LPP: variants seen among roughly 807,000 people sequenced by gnomAD.
LPP encodes LIM domain containing preferred translocation partner in lipoma.
In LPP, 38 loss-of-function variants were observed where a neutral mutation model predicts 60.4. That is an observed-to-expected ratio of 0.63 (90% CI 0.49 to 0.83). The LOEUF is 0.83. LPP is among the 40% of genes least tolerant of loss of function. The probability of loss-of-function intolerance (pLI) is 0.00; values close to 1 mark genes in which losing one functional copy is unlikely to be tolerated. For missense variants in LPP, 902 were observed against 783.6 expected, an observed-to-expected ratio of 1.15 and a Z score of -1.80; for synonymous variants, 328 against 290.8, an observed-to-expected ratio of 1.13 and a Z score of -1.30.
chr3:188,172,067 AG>A (rs985695566), intron 1 of LPP, among the ~76,000 whole-genome samples: 5 of 152,202 alleles, frequency 3.3e-5, no homozygotes, highest in African/African-American at 1.2e-4. Context: ...AACCTCGGCG[AG>A]GTTTGGTTCT....
chr3:188,293,644 T>C lies in LPP; in HGVS notation c.-66-48019T>C, dbSNP rs374686131. On this transcript the variant is annotated intron_variant, in intron 2 of 11. Transcript: ENST00000617246. ...GTTATTTTATTTTTAAGAAGTAGAT[T>C]GGCTGAATGGAAAAGCAAAATGTGG... Among the ~76,000 whole-genome samples the C allele has an allele frequency of 1.3e-4, 20 of 152,308 alleles. 1 individual carries two copies. Among genetic ancestry groups the C allele is most frequent in the African/African-American group, 4.8e-4 (20 of 41,568 alleles).
At chr3:188,240,649 A>T (rs568924648) in intron 2 of LPP, among the ~76,000 whole-genome samples, 2 of 152,192 alleles carry the variant, frequency 1.3e-5, no homozygotes, top group Admixed American at 6.5e-5. Context: ...AAAAAGCGTA[A>T]TCATAACTAT....
chr3:188,753,757 G>A (rs1294749709), intron 8 of LPP, among the ~76,000 whole-genome samples: 1 of 151,740 alleles, frequency 6.6e-6, no homozygotes, highest in Non-Finnish European at 1.5e-5. Context: ...TTTTCTTGTT[G>A]CGAGTGTTTG....
chr3:188,390,642 A>G (rs2148676365), intron 3 of LPP, among the ~76,000 whole-genome samples: 1 of 151,516 alleles, frequency 6.6e-6, no homozygotes, highest in African/African-American at 2.4e-5. Flanking sequence ...TTCCGTCTAC[A>G]AAAACTCCTT....
intron 8 of LPP, among the ~76,000 whole-genome samples, chr3:188,722,220 C>T (rs1197486988): frequency 6.6e-6 from 1 of 152,084 alleles, no homozygotes; most frequent in Non-Finnish European, 1.5e-5. Context: ...TGAAGAATAC[C>T]ATGCACTAAG....
chr3:188,866,127 T>C (rs1261557478), intron 9 of LPP, 73 bp from the exon 10 acceptor site: 2 of 1,254,592 alleles, frequency 1.6e-6, no homozygotes, highest in Admixed American at 2.9e-5. Flanking sequence ...CAATCTGTTT[T>C]GTAAAGATGC....
In LPP at chr3:188,261,673, C is replaced by G. The variant is rs370704082; in HGVS notation, c.-67+36146C>G. Among the ~76,000 whole-genome samples, 65 of 151,556 alleles carry G rather than the reference C, an allele frequency of 4.3e-4. No individual in the cohort carries two copies. The South Asian group carries it at 0.013, about 31-fold the overall frequency. Reference sequence around the variant, plus strand: ...CTGTAATTCCAGCAGTTTGGGAGACCAAGGTAGGAGAATTGCTTGAGGTCA... The same window carrying G: ...CTGTAATTCCAGCAGTTTGGGAGACGAAGGTAGGAGAATTGCTTGAGGTCA... On this transcript the variant is annotated intron_variant, in intron 2 of 11. Coordinates refer to ENST00000617246, the MANE Select transcript of LPP (RefSeq NM_001375462.1).
intron 7 of LPP, among the ~76,000 whole-genome samples, chr3:188,706,769 A>G (rs1865558178): frequency 6.6e-6 from 1 of 152,208 alleles, no homozygotes; most frequent in Non-Finnish European, 1.5e-5. Flanking sequence ...TACTCTTGTA[A>G]ACATTCTGAA....
intron 4 of LPP, among the ~76,000 whole-genome samples, chr3:188,476,659 A>G (rs971327043): frequency 2.0e-5 from 3 of 152,172 alleles, no homozygotes; most frequent in Non-Finnish European, 2.9e-5. Context: ...TTAATTTGTT[A>G]GCAACTTGAG....
intron 7 of LPP, among the ~76,000 whole-genome samples, chr3:188,639,367 A>T (rs1234292069): frequency 2.0e-5 from 3 of 150,704 alleles, no homozygotes; most frequent in African/African-American, 7.3e-5. Context: ...AAATCAATTC[A>T]AGATGGATTA....
rs530754076 is a variant in LPP at position 188,819,778 on chromosome 3, A to C, written c.1411-46422A>C. On this transcript the variant is annotated intron_variant, in intron 9 of 11. Transcript: ENST00000617246. ...GGAATGTGAAGGAACTAAGACATAAAAGTAGAAAGACAGTTTAGGCCTGGT... is the reference window on the plus strand; with the variant it reads ...GGAATGTGAAGGAACTAAGACATAACAGTAGAAAGACAGTTTAGGCCTGGT... Among the ~76,000 whole-genome samples the C allele has an allele frequency of 5.9e-5, 9 of 152,264 alleles. No individual in the cohort carries two copies. In the East Asian group the frequency reaches 1.7e-3, roughly 29 times the overall value.
chr3:188,836,820 TC>T (rs1042083327), intron 9 of LPP, among the ~76,000 whole-genome samples: 1 of 152,184 alleles, frequency 6.6e-6, no homozygotes, highest in African/African-American at 2.4e-5. Flanking sequence ...AAGGCTTGGT[TC>T]CCGGGTTTCA....
rs115656972 is a variant in LPP at position 188,205,976 on chromosome 3, A to C, written c.-189-19429A>C. 9.8e-4 allele frequency among the ~76,000 whole-genome samples: 149 copies of C among 152,282 alleles called. 1 individual carries two copies. The highest frequency in any genetic ancestry group is 3.3e-3 in the African/African-American group (136 of 41,550). Reference sequence around the variant, plus strand: ...GGAAAAGTTCTGCTGCTACATATAAAAGTTAAAAAACCACTGTGTCTACCC... The same window carrying C: ...GGAAAAGTTCTGCTGCTACATATAACAGTTAAAAAACCACTGTGTCTACCC... On this transcript the variant is annotated intron_variant, in intron 1 of 11. Coordinates refer to ENST00000617246, the MANE Select transcript of LPP (RefSeq NM_001375462.1).
chr3:188,602,107 TAC>T (rs1373802129), intron 6 of LPP, among the ~76,000 whole-genome samples: 33 of 136,412 alleles, frequency 2.4e-4, no homozygotes, highest in African/African-American at 5.0e-4. Context: ...CATATACATA[TAC>T]ACACACACAC....
intron 7 of LPP, among the ~76,000 whole-genome samples, chr3:188,704,243 C>G (rs936707955): frequency 1.3e-5 from 2 of 152,088 alleles, no homozygotes; most frequent in African/African-American, 4.8e-5. Context: ...ACTACCTGAA[C>G]TGTAATAATC....
intron 3 of LPP, among the ~76,000 whole-genome samples, chr3:188,363,641 T>C (rs1560299463): frequency 6.6e-6 from 1 of 152,126 alleles, no homozygotes; most frequent in African/African-American, 2.4e-5. Flanking sequence ...GCGCAGTGGC[T>C]CAAGCCTGTA....
chr3:188,559,794 A>G (rs148339527), intron 6 of LPP, among the ~76,000 whole-genome samples: 7 of 152,242 alleles, frequency 4.6e-5, no homozygotes, highest in African/African-American at 1.4e-4. Flanking sequence ...GTCCGAGAAT[A>G]TAAAAACACT....
chr3:188,668,188 C>G (rs769369858), intron 7 of LPP, among the ~76,000 whole-genome samples: 10 of 151,964 alleles, frequency 6.6e-5, no homozygotes, highest in Non-Finnish European at 1.5e-4. Flanking sequence ...TACATATGGA[C>G]TAGATTCTGT....
chr3:188,199,032 T>C (rs1471974866), intron 1 of LPP, among the ~76,000 whole-genome samples: 1 of 152,150 alleles, frequency 6.6e-6, no homozygotes, highest in Non-Finnish European at 1.5e-5. Context: ...GCCTGGGATC[T>C]CAGCTGGAAG....
Sources: allele counts gnomAD v4.1 joint callset (sites outside exome capture counted in the v4.1 genomes callset), GRCh38; gene constraint gnomAD v4.1.1; transcripts MANE v1.5; gene names NCBI Gene and HGNC (gene_info 2026-07-23, HGNC 2026-07-21).